The following DOT1L variants were observed in gnomAD, a reference collection of about 807,000 sequenced individuals.
The protein encoded by DOT1L is histone-lysine N-methyltransferase, H3 lysine-79 specific.
Under a neutral mutation model 153.3 loss-of-function variants are expected in DOT1L, and 33 were observed. The ratio of observed to expected loss-of-function variants is 0.22; its 90% CI spans 0.16 to 0.29. DOT1L has a LOEUF of 0.29. DOT1L is among the 10% of genes least tolerant of loss of function. The probability of loss-of-function intolerance (pLI) is 1.00; values close to 1 mark genes in which losing one functional copy is unlikely to be tolerated. For missense variants in DOT1L, 1,847 were observed against 2,119.9 expected, an observed-to-expected ratio of 0.87 and a Z score of 2.53; for synonymous variants, 1,135 against 965.1, an observed-to-expected ratio of 1.18 and a Z score of -3.26.
intron 10 of DOT1L, 26 bp downstream of exon 10, chr19:2,206,823 A>T (rs779685711): frequency 5.0e-6 from 8 of 1,604,384 alleles, no homozygotes; most frequent in Non-Finnish European, 6.8e-6. Flanking sequence ...GTTGTTAATG[A>T]TGAACACGGG....
Position 2,230,262 on chromosome 19 carries a change from CCCCCG to C in DOT1L, c.*471_*475del, listed in dbSNP as rs2024541367. On this transcript the variant is annotated 3_prime_UTR_variant, in exon 28 of 28. Transcript: ENST00000398665. Reference sequence around the variant, plus strand: ...TCTCGGAAACGCCGCCCGGCCGGCTCCCCCGACGCGCTGCTCCCGTACCAAAGGCA... The same window carrying C: ...TCTCGGAAACGCCGCCCGGCCGGCTCACGCGCTGCTCCCGTACCAAAGGCA... The C allele has an allele frequency of 4.7e-6, 2 of 427,262 alleles. No individual in the cohort carries two copies. Among genetic ancestry groups the C allele is most frequent in the Non-Finnish European group, 8.2e-6 (2 of 243,738 alleles). The allele number at this position is 427,262 out of a possible 1,614,324, so 26.5% of individuals were successfully genotyped here. A position where few individuals can be genotyped will look rare whatever the true frequency, so the allele number is the denominator to read the frequency against.
chr19:2,209,958 CCA>C (rs1202711686), intron 12 of DOT1L, among the ~76,000 whole-genome samples: 1 of 152,224 alleles, frequency 6.6e-6, no homozygotes, highest in African/African-American at 2.4e-5. Flanking sequence ...GTCGCGCCCT[CCA>C]CTAACTCACA....
intron 7 of DOT1L, among the ~76,000 whole-genome samples, chr19:2,199,249 G>A (rs2023145749): frequency 6.6e-6 from 1 of 152,246 alleles, no homozygotes; most frequent in African/African-American, 2.4e-5. Flanking sequence ...GCGTGGAGCT[G>A]TGGGGACAGC....
intron 12 of DOT1L, 29 bp from the exon 13 acceptor site, chr19:2,210,371 T>C: frequency 6.7e-7 from 1 of 1,488,066 alleles, no homozygotes; most frequent in Non-Finnish European, 8.9e-7. Flanking sequence ...CGCTGGGGCT[T>C]CCTGTGGCTC....
Position 2,217,749 on chromosome 19 carries a change from G to C in DOT1L, c.2545-23G>C, listed in dbSNP as rs1315300249. On this transcript the variant is annotated intron_variant, in intron 21 of 27. Transcript: ENST00000398665. The surrounding 1 kb of genome is among the most constrained non-coding windows in gnomAD (Gnocchi z 7.3). ...TGGAGGGGTTTGTTGACCCACGACT[G>C]GGGGTCGGGCCTTCGTCTGCAGGGC... 6.3e-7 allele frequency: 1 copy of C among 1,589,058 alleles called. No individual in the cohort carries two copies. Among genetic ancestry groups the C allele is most frequent in the Non-Finnish European group, 8.6e-7 (1 of 1,169,010 alleles).
intron 7 of DOT1L, among the ~76,000 whole-genome samples, chr19:2,195,588 ACAGAGCCCGCAGCCCCTCGAGCCT>A (rs925777005): frequency 6.6e-5 from 10 of 152,018 alleles, no homozygotes; most frequent in Admixed American, 1.3e-4. Flanking sequence ...CCCCTGGAGT[ACAGAGCCCGCAGCCCCTCGAGCCT>A]CAGAGCCCGC....
At chr19:2,228,548 G>T in intron 27 of DOT1L, 2 of 985,378 alleles carry the variant, frequency 2.0e-6, no homozygotes, top group Non-Finnish European at 2.4e-6. Context: ...GGGACTACAG[G>T]ACGGGCACCA....
chr19:2,167,213 G>T (rs117946421), intron 1 of DOT1L, among the ~76,000 whole-genome samples: 2,578 of 152,294 alleles, frequency 0.017, 31 homozygotes, highest in Non-Finnish European at 0.029. Flanking sequence ...GTTCTCAGGG[G>T]TGGACCGCAC....
Position 2,164,030 on chromosome 19 carries a change from CGCGGCGGCGGCG to C in DOT1L, c.-143_-132del. On this transcript the variant is annotated 5_prime_UTR_variant, in exon 1 of 28. Coordinates refer to ENST00000398665, the MANE Select transcript of DOT1L (RefSeq NM_032482.3). The stretch of plus-strand genomic sequence containing the variant: ...AGTCGGGGGCCGGGCCGGACCGGAG[CGCGGCGGCGGCG>C]GCGGCGGCGGCCGAGGCCGAGGCCA... The C allele has an allele frequency of 3.3e-6, 1 of 301,124 alleles. No homozygotes were observed. The highest frequency in any genetic ancestry group is 5.2e-6 in the Non-Finnish European group (1 of 193,098). The allele number at this position is 301,124 out of a possible 1,614,324, so 18.7% of individuals were successfully genotyped here.
At position 2,208,196 on chromosome 19, in the gene DOT1L, G is replaced by A. The variant is rs2023578392; in HGVS notation, c.963+516G>A. Among the ~76,000 whole-genome samples, 1 of 152,106 alleles carries A rather than the reference G, an allele frequency of 6.6e-6. No homozygotes were observed. Among genetic ancestry groups the A allele is most frequent in the Non-Finnish European group, 1.5e-5 (1 of 67,994 alleles). ...TGCCTCCCACGGTGCTTCCCCCCCG[G>A]GCACGAGTATCCCGAGCCTCCTGGC... is the stretch of plus-strand genomic sequence containing the variant. On this transcript the variant is annotated intron_variant, in intron 11 of 27. Coordinates refer to ENST00000398665, the MANE Select transcript of DOT1L (RefSeq NM_032482.3). This position sits in a 1 kb window ranked among gnomAD's most constrained non-coding sequence, Gnocchi z 4.4.
intron 7 of DOT1L, among the ~76,000 whole-genome samples, chr19:2,195,305 C>T (rs1422263091): frequency 1.3e-5 from 2 of 152,144 alleles, no homozygotes; most frequent in East Asian, 3.9e-4. Context: ...AGGCTCCGCC[C>T]TGGTCCTTTC....
intron 22 of DOT1L, among the ~76,000 whole-genome samples, chr19:2,218,277 G>T (rs1393135973): frequency 6.6e-6 from 1 of 152,248 alleles, no homozygotes; most frequent in African/African-American, 2.4e-5. Context: ...CCAGCGCTGT[G>T]CATGCAGAGA....
chr19:2,224,981 G>GC (rs2024269382), intron 25 of DOT1L, among the ~76,000 whole-genome samples: 1 of 152,206 alleles, frequency 6.6e-6, no homozygotes, highest in South Asian at 2.1e-4. Flanking sequence ...GTCTTCACGT[G>GC]CTGGCCTGCA....
At chr19:2,203,256 T>C (rs909046670) in intron 9 of DOT1L, among the ~76,000 whole-genome samples, 7 of 152,322 alleles carry the variant, frequency 4.6e-5, no homozygotes, top group Non-Finnish European at 8.8e-5. Context: ...CATGCCACCA[T>C]GCCTGGCTAA....
intron 8 of DOT1L, among the ~76,000 whole-genome samples, chr19:2,200,236 C>T (rs1334172814): frequency 6.6e-6 from 1 of 152,170 alleles, no homozygotes; most frequent in Non-Finnish European, 1.5e-5. Flanking sequence ...GCCTGGTTTC[C>T]TGGGCCTCCT....
chr19:2,224,392 A>G (rs565174731), intron 25 of DOT1L, among the ~76,000 whole-genome samples: 39 of 151,410 alleles, frequency 2.6e-4, no homozygotes, highest in African/African-American at 9.0e-4. Context: ...TCCTCAACAC[A>G]CTGAATTTCT....
At chr19:2,228,724 T>G (rs1444003253) in intron 27 of DOT1L, 3 of 985,280 alleles carry the variant, frequency 3.0e-6, no homozygotes, top group Non-Finnish European at 3.6e-6. Context: ...CCTAGAGCAG[T>G]CTCCAGGGCT....
rs1035035749 is a variant in DOT1L, at chr19:2,220,813, C to A, written c.2806+591C>A. The A allele has an allele frequency of 9.7e-6, 3 of 310,610 alleles. No individual in the cohort carries two copies. Among genetic ancestry groups the A allele is most frequent in the Non-Finnish European group, 1.9e-5 (3 of 156,490 alleles). 19.2% of individuals were successfully genotyped at this position (310,610 alleles called of 1,614,324 possible). ...ACTTAAAACAGCAGAGGACATGAGA[C>A]CCCCAGGCTGGTTTGCTGGCCCCAG... On this transcript the variant is annotated intron_variant, in intron 23 of 27. Transcript: ENST00000398665. The surrounding 1 kb of genome is among the most constrained non-coding windows in gnomAD (Gnocchi z 4.5).
In DOT1L at chr19:2,191,449, A is replaced by G. The variant is rs2022789510; in HGVS notation, c.493+209A>G. ...CACCCAGAGGGGAGAAATCGCAGGA[A>G]CCCAGTGGCTCCCAGACCAGGCCCA... On this transcript the variant is annotated intron_variant, in intron 5 of 27. Coordinates refer to ENST00000398665, the MANE Select transcript of DOT1L (RefSeq NM_032482.3). The surrounding 1 kb of genome is among the most constrained non-coding windows in gnomAD (Gnocchi z 6.8). 8 of 603,026 alleles carry G rather than the reference A, an allele frequency of 1.3e-5. No homozygotes were observed. In the South Asian group the frequency reaches 1.6e-4, roughly 12 times the overall value. 37.4% of individuals were successfully genotyped at this position (603,026 alleles called of 1,614,324 possible).
Sources: allele counts gnomAD v4.1 joint callset (sites outside exome capture counted in the v4.1 genomes callset), GRCh38; gene constraint gnomAD v4.1.1; non-coding constraint Gnocchi (gnomAD v3.1); transcripts MANE v1.5; gene names NCBI Gene and HGNC (gene_info 2026-07-23, HGNC 2026-07-21).